Variants in RUFY2 observed in about 807,000 individuals in gnomAD.
The protein encoded by RUFY2 is RUN and FYVE domain-containing protein 2.
Under a neutral mutation model 94.4 loss-of-function variants are expected in RUFY2, and 49 were observed. The observed-to-expected ratio is 0.52, with a 90% CI of 0.41 to 0.66. The LOEUF (loss-of-function observed/expected upper bound fraction) is 0.66. RUFY2 is among the 30% of genes least tolerant of loss of function. The pLI, the probability that RUFY2 is intolerant of heterozygous loss-of-function variation, is 0.00. For synonymous variants in RUFY2, 255 were observed against 235.7 expected, an observed-to-expected ratio of 1.08 and a Z score of -0.75; for missense variants, 541 against 692.8, an observed-to-expected ratio of 0.78 and a Z score of 2.46.
intron 15 of RUFY2, among the ~76,000 whole-genome samples, chr10:68,362,588 T>C (rs960274727): frequency 6.6e-6 from 1 of 151,950 alleles, no homozygotes; most frequent in African/African-American, 2.4e-5. Context: ...GGTCAGGAGT[T>C]TGAGACCAGC....
intron 3 of RUFY2, among the ~76,000 whole-genome samples, chr10:68,397,872 T>C (rs1368938977): frequency 1.3e-5 from 2 of 152,038 alleles, no homozygotes; most frequent in Admixed American, 1.3e-4. Context: ...CTTACACCTG[T>C]AATCCCAGCA....
chr10:68,401,421 C>A (rs538643910), intron 3 of RUFY2, among the ~76,000 whole-genome samples, 199 bp downstream of exon 3: 1 of 151,980 alleles, frequency 6.6e-6, no homozygotes, highest in East Asian at 1.9e-4. Context: ...TAATTTTGAT[C>A]GAAGAGGCTA....
chr10:68,391,188 G>A (rs1294101223), intron 7 of RUFY2, among the ~76,000 whole-genome samples: 12 of 143,824 alleles, frequency 8.3e-5, no homozygotes, highest in Admixed American at 7.6e-4. Flanking sequence ...CACATGCCTC[G>A]GCCTCCCAAA....
chr10:68,406,106 T>C (rs2051274366), intron 1 of RUFY2, among the ~76,000 whole-genome samples: 1 of 151,226 alleles, frequency 6.6e-6, no homozygotes, highest in Non-Finnish European at 1.5e-5. Context: ...GCACTTAGTA[T>C]AACATTTCAT....
Position 68,355,421 on chromosome 10 carries a change from G to C in RUFY2, c.1551-20C>G. On this transcript the variant is annotated intron_variant, in intron 15 of 17. Transcript: ENST00000602465. ...TTTGATCTAAAAAGATTACAAATAG[G>C]TCCAAATTTCAGTACACATATTTAA... is the stretch of plus-strand genomic sequence containing the variant. 4 of 1,532,040 alleles carry C rather than the reference G, an allele frequency of 2.6e-6. No individual in the cohort carries two copies. The highest frequency in any genetic ancestry group is 3.6e-6 in the Non-Finnish European group (4 of 1,106,972). The allele number at this position is 1,532,040 out of a possible 1,614,324, so 94.9% of individuals were successfully genotyped here.
At chr10:68,366,330 C>CAAAAA (rs374353912) in intron 13 of RUFY2, among the ~76,000 whole-genome samples, 5 of 55,358 alleles carry the variant, frequency 9.0e-5, no homozygotes, top group Non-Finnish European at 9.9e-5. Context: ...AACTCCATCT[C>CAAAAA]AAAAAAAAAA....
At chr10:68,401,771 A>G in intron 2 of RUFY2, 34 bp from the exon 3 acceptor site, 2 of 1,195,678 alleles carry the variant, frequency 1.7e-6, no homozygotes, top group Non-Finnish European at 2.5e-6. Flanking sequence ...ACACAATGTC[A>G]ACATAAAAAA....
intron 16 of RUFY2, among the ~76,000 whole-genome samples, chr10:68,349,547 T>A (rs998410664): frequency 2.0e-5 from 3 of 147,298 alleles, no homozygotes; most frequent in African/African-American, 2.6e-5. Flanking sequence ...GAAAAAAAAA[T>A]TTTTTTTTTG....
chr10:68,379,427 T>C lies in RUFY2; in HGVS notation c.1202A>G (p.Gln401Arg). 1 of 1,599,280 alleles carries C rather than the reference T, an allele frequency of 6.3e-7. No individual in the cohort carries two copies. Among genetic ancestry groups the C allele is most frequent in the Non-Finnish European group, 8.5e-7 (1 of 1,172,890 alleles). The change falls in exon 12 of 18, where the codon CAA becomes CGA. Residue 401 changes from glutamine (Q) to arginine (R), a missense_variant. Around this residue, in one of 3 missense-constraint regions of RUFY2, gnomAD observed 403 missense variants for 480.7 expected, o/e 0.84. Coordinates refer to ENST00000602465, the MANE Select transcript of RUFY2 (RefSeq NM_001330103.2). ...KITAAMRQLE[Q>R]RLQQAEKAQM... ...ACTAAGACTGGAAATGCTGTACCTT[T>C]GTTCCAGCTGCCTCATGGCTGCAGT... is the stretch of plus-strand genomic sequence containing the variant.
At chr10:68,352,634 TAA>T (rs956255595) in intron 16 of RUFY2, among the ~76,000 whole-genome samples, 8 of 152,134 alleles carry the variant, frequency 5.3e-5, no homozygotes. Flanking sequence ...AATTTGTTTT[TAA>T]AAAGAGAGGG....
At position 68,345,625 on chromosome 10, in the gene RUFY2, C is replaced by T. The variant is rs2046221953; in HGVS notation, c.*143G>A. The T allele has an allele frequency of 6.3e-6, 4 of 633,462 alleles. No individual in the cohort carries two copies. In the Admixed American group the frequency reaches 1.3e-4, roughly 20 times the overall value. The allele number at this position is 633,462 out of a possible 1,614,324, so 39.2% of individuals were successfully genotyped here. ...GAAGGAAATATATAACTTGTAATTT[C>T]CATGAGCTGAATATGTAGAAGATAA... On this transcript the variant is annotated 3_prime_UTR_variant, in exon 18 of 18. Coordinates refer to ENST00000602465, the MANE Select transcript of RUFY2 (RefSeq NM_001330103.2).
chr10:68,400,592 C>G (rs1475126305), intron 3 of RUFY2, among the ~76,000 whole-genome samples: 24 of 150,452 alleles, frequency 1.6e-4, no homozygotes, highest in African/African-American at 5.4e-4. Context: ...AGGAAAGTTG[C>G]TTGAACCCAT....
intron 3 of RUFY2, 26 bp downstream of exon 3, chr10:68,401,594 G>C: frequency 7.2e-7 from 1 of 1,379,470 alleles, no homozygotes; most frequent in Non-Finnish European, 1.0e-6. Context: ...TGTGGCTAGG[G>C]ATGAACAAGT....
intron 4 of RUFY2, 132 bp from the exon 5 acceptor site, chr10:68,394,583 T>G: frequency 3.7e-6 from 2 of 543,514 alleles, no homozygotes; most frequent in South Asian, 5.8e-5. Context: ...GCCTTCAAAT[T>G]AGCCTTTATA....
At chr10:68,382,428 T>G (rs2049136818) in intron 10 of RUFY2, among the ~76,000 whole-genome samples, 1 of 151,528 alleles carries the variant, frequency 6.6e-6, no homozygotes, top group South Asian at 2.1e-4. Flanking sequence ...TTTAAGAAAT[T>G]TATTGGCCTG....
At chr10:68,402,198 T>G (rs1205387832) in intron 2 of RUFY2, among the ~76,000 whole-genome samples, 1 of 152,040 alleles carries the variant, frequency 6.6e-6, no homozygotes, top group Non-Finnish European at 1.5e-5. Flanking sequence ...GCCTCAAGCG[T>G]TCCTCCTATC....
At chr10:68,374,828 G>C (rs528967942) in intron 13 of RUFY2, among the ~76,000 whole-genome samples, 2 of 151,846 alleles carry the variant, frequency 1.3e-5, no homozygotes, top group Non-Finnish European at 2.9e-5. Context: ...ATTAACTGGG[G>C]GAAAATACTG....
At chr10:68,378,775 G>A in intron 12 of RUFY2, 1 of 731,824 alleles carries the variant, frequency 1.4e-6, no homozygotes, top group Non-Finnish European at 2.2e-6. Context: ...AGAAGAAAGA[G>A]GATGTCAATA....
At chr10:68,384,655 C>A (rs1166002943) in intron 8 of RUFY2, among the ~76,000 whole-genome samples, 1 of 152,120 alleles carries the variant, frequency 6.6e-6, no homozygotes, top group African/African-American at 2.4e-5. Flanking sequence ...TAAGTGACTA[C>A]AACAAACAAG....
Sources: allele counts gnomAD v4.1 joint callset (sites outside exome capture counted in the v4.1 genomes callset), GRCh38; gene constraint gnomAD v4.1.1; regional missense constraint gnomAD v4.1.1; transcripts MANE v1.5; gene names NCBI Gene and HGNC (gene_info 2026-07-23, HGNC 2026-07-21).